The following OR51B5 variants were observed in gnomAD, a reference collection of about 807,000 sequenced individuals.
OR51B5 encodes olfactory receptor family 51 subfamily B member 5, also known as olfactory receptor 51B5.
For synonymous variants in OR51B5, 186 were observed against 144.8 expected (o/e 1.28, Z -2.04); for missense variants, 456 against 374.6 (o/e 1.22, Z -1.79).
In OR51B5 at chr11:5,342,776, TAAAAAACCAGGACACAG is replaced by T; in HGVS notation, c.732_748del (p.Cys244Ter). The T allele has an allele frequency of 6.2e-7, 1 of 1,613,532 alleles. No homozygotes were observed. Among genetic ancestry groups the T allele is most frequent in the Non-Finnish European group, 8.5e-7 (1 of 1,179,784 alleles). On this transcript the variant is annotated stop_gained and frameshift_variant, in exon 1 of 1. Coordinates refer to ENST00000300773, the Ensembl canonical transcript of OR51B5. LOFTEE classifies it low-confidence loss of function (END_TRUNC). ...CAGAGACAATCCAATCACTGTGACA[TAAAAAACCAGGACACAG>T]CAGATATGGGAGACACAGGTAATGA...
At chr11:5,412,040 A>G (rs988870399) in intron 1 of OR51B5, among the ~76,000 whole-genome samples, 2 of 152,222 alleles carry the variant, frequency 1.3e-5, no homozygotes, top group Non-Finnish European at 2.9e-5. Context: ...TGTTGTTTTA[A>G]GCTATCACTT....
intron 1 of OR51B5, chr11:5,430,955 C>A (rs182208271): frequency 2.2e-5 from 10 of 456,972 alleles, no homozygotes; most frequent in Admixed American, 2.1e-4. Context: ...TAAGAGACCA[C>A]GATAAGCAAT....
At chr11:5,379,204 C>T (rs1391780811) in intron 1 of OR51B5, among the ~76,000 whole-genome samples, 13 of 151,808 alleles carry the variant, frequency 8.6e-5, no homozygotes, top group Admixed American at 4.6e-4. Context: ...AGTAAACTAT[C>T]GCAAGGACAA....
intron 1 of OR51B5, among the ~76,000 whole-genome samples, chr11:5,368,904 G>A (rs1403253470): frequency 2.6e-5 from 4 of 152,262 alleles, no homozygotes; most frequent in South Asian, 2.1e-4. Context: ...TGAGGATGTT[G>A]GAAGCCTCTG....
At chr11:5,468,871 A>G (rs995065895) in intron 1 of OR51B5, 5 of 414,130 alleles carry the variant, frequency 1.2e-5, no homozygotes, top group Admixed American at 5.1e-5. Flanking sequence ...TCAGGTCTGC[A>G]TGCAGACAGT....
chr11:5,417,976 G>T lies in OR51B5; in HGVS notation n.85-71066C>A, dbSNP rs561268887. ...ACACATGCACACGTATGTTTATTGC[G>T]GCACTACTCACAATAGCAAACTTGG... On this transcript the variant is annotated intron_variant and non_coding_transcript_variant, in intron 1 of 4. Transcript: ENST00000415970. Among the ~76,000 whole-genome samples the T allele has an allele frequency of 2.4e-3, 363 of 148,268 alleles. 1 individual carries two copies. The highest frequency in any genetic ancestry group is 8.8e-3 in the African/African-American group (354 of 40,262).
chr11:5,343,736 T>G, upstream of OR51B5: 21 of 424,488 alleles, frequency 4.9e-5, no homozygotes, highest in East Asian at 2.1e-4. Context: ...ATCTATCTCC[T>G]ACCTACGTAA....
At chr11:5,354,535 G>C (rs968588975) in intron 1 of OR51B5, among the ~76,000 whole-genome samples, 5 of 152,148 alleles carry the variant, frequency 3.3e-5, no homozygotes, top group African/African-American at 1.2e-4. Flanking sequence ...CCGTGAAACA[G>C]AGCAGAGCTC....
chr11:5,366,565 C>G (rs576597367), intron 1 of OR51B5, among the ~76,000 whole-genome samples: 1 of 151,342 alleles, frequency 6.6e-6, no homozygotes, highest in East Asian at 1.9e-4. Context: ...GCCGAGATCG[C>G]GCCATTGCAC....
intron 1 of OR51B5, among the ~76,000 whole-genome samples, chr11:5,361,604 G>A (rs17270517): frequency 0.39 from 59,951 of 151,878 alleles, 12,057 homozygotes; most frequent in African/African-American, 0.42. Flanking sequence ...ATGCAGTAAT[G>A]TATCAGTCAA....
downstream of OR51B5, chr11:5,341,181 T>C (rs1848886752): frequency 6.6e-6 from 1 of 152,126 alleles, no homozygotes; most frequent in African/African-American, 2.4e-5. Context: ...TAATGAATGC[T>C]CTCAGGAGAC....
chr11:5,352,526 A>C, intron 1 of OR51B5: 1 of 845,110 alleles, frequency 1.2e-6, no homozygotes, highest in Non-Finnish European at 1.9e-6. Flanking sequence ...TAACTAGGGA[A>C]AGTCATTTCA....
chr11:5,494,472 C>T (rs1851621306), intron 1 of OR51B5, among the ~76,000 whole-genome samples: 1 of 152,198 alleles, frequency 6.6e-6, no homozygotes, highest in African/African-American at 2.4e-5. Context: ...GCACAGGAAC[C>T]ATACTTTATC....
chr11:5,475,378 C>T (rs1344953376), intron 1 of OR51B5, among the ~76,000 whole-genome samples: 4 of 152,110 alleles, frequency 2.6e-5, no homozygotes, highest in Admixed American at 2.6e-4. Flanking sequence ...TTCAGTTCCT[C>T]GAAGATGCAA....
At chr11:5,352,424 C>T in intron 1 of OR51B5, 2 of 1,596,082 alleles carry the variant, frequency 1.3e-6, no homozygotes, top group Non-Finnish European at 1.7e-6. Flanking sequence ...CGTTTATTCT[C>T]TCTGCCTCAC....
upstream of OR51B5, chr11:5,346,333 G>A (rs953473564): frequency 3.9e-5 from 6 of 152,122 alleles, no homozygotes; most frequent in African/African-American, 1.4e-4. Flanking sequence ...TGTGTCCTCA[G>A]CTAGTCGTGG....
chr11:5,394,311 C>T (rs962685058), intron 1 of OR51B5, among the ~76,000 whole-genome samples: 1 of 151,926 alleles, frequency 6.6e-6, no homozygotes, highest in African/African-American at 2.4e-5. Flanking sequence ...AATATCTTGC[C>T]CAATATTATA....
At chr11:5,491,255 T>C (rs1175087744) in intron 1 of OR51B5, among the ~76,000 whole-genome samples, 1 of 152,230 alleles carries the variant, frequency 6.6e-6, no homozygotes, top group Non-Finnish European at 1.5e-5. Context: ...TCAGATACAG[T>C]CACATCCACA....
chr11:5,384,784 A>C (rs1264016940), intron 1 of OR51B5, among the ~76,000 whole-genome samples: 2 of 152,182 alleles, frequency 1.3e-5, no homozygotes, highest in African/African-American at 4.8e-5. Context: ...AATCCAAACA[A>C]CACCTTGTAA....
Sources: gnomAD v4.1 joint callset for allele counts (sites outside exome capture counted in the v4.1 genomes callset) on GRCh38, gnomAD v4.1.1 for gene constraint, MANE v1.5 for transcripts, NCBI Gene and HGNC (gene_info 2026-07-23, HGNC 2026-07-21) for gene names.